Variants in AGRN observed in about 807,000 individuals in gnomAD.
AGRN encodes the protein agrin, also known as agrin proteoglycan.
Under a neutral mutation model 211.0 loss-of-function variants are expected in AGRN, and 106 were observed. That is an observed-to-expected ratio of 0.50 (90% CI 0.43 to 0.59). The LOEUF (loss-of-function observed/expected upper bound fraction) is 0.59. AGRN is among the 20% of genes least tolerant of loss of function. The pLI is 0.00. For synonymous variants in AGRN, 1,525 were observed against 1,332.5 expected, an observed-to-expected ratio of 1.14 and a Z score of -3.15; for missense variants, 3,040 against 2,982.6, an observed-to-expected ratio of 1.02 and a Z score of -0.45.
chr1:1,047,876 C>T lies in AGRN; in HGVS notation c.3732C>T (p.His1244=), dbSNP rs536657086. 55 of 1,605,734 alleles carry T rather than the reference C, an allele frequency of 3.4e-5. No homozygotes were observed. In the African/African-American group the frequency reaches 3.7e-4, roughly 11 times the overall value. Residue 1244 remains histidine, a synonymous_variant, in exon 22 of 36, where the codon CAC becomes CAT. Coordinates refer to ENST00000379370, the MANE Select transcript of AGRN (RefSeq NM_198576.4). Reference sequence around the variant, plus strand: ...GGGTGAGGCGGCCGCTGCAGGAGCACGTGCGATTTATGGACTTTGGTGAGC... The same window carrying T: ...GGGTGAGGCGGCCGCTGCAGGAGCATGTGCGATTTATGGACTTTGGTGAGC... ...SLGVRRPLQE[H]VRFMDFDWFP... is the part of the protein sequence containing the mutation.
chr1:1,023,703 A>G (rs1644459613), intron 2 of AGRN, among the ~76,000 whole-genome samples: 1 of 152,164 alleles, frequency 6.6e-6, no homozygotes, highest in Non-Finnish European at 1.5e-5. Flanking sequence ...TTAGTAGCTG[A>G]GGACTTGCTC....
At chr1:1,033,044 C>T (rs1342526950) in intron 2 of AGRN, among the ~76,000 whole-genome samples, 1 of 152,108 alleles carries the variant, frequency 6.6e-6, no homozygotes, top group African/African-American at 2.4e-5. Context: ...GGGCCCAGAC[C>T]CCCATTCCCC....
chr1:1,048,587 A>G lies in AGRN; in HGVS notation c.4105+222A>G, dbSNP rs989667112. On this transcript the variant is annotated intron_variant, in intron 23 of 35. Transcript: ENST00000379370. The surrounding 1 kb of genome is among the most constrained non-coding windows in gnomAD (Gnocchi z 5.9). ...GGAGTTCGAGACCAGCCTGACCAAC[A>G]TGGAGACACTCTGTCTCTACTAAAA... The G allele has an allele frequency of 2.5e-5, 15 of 588,782 alleles. No individual in the cohort carries two copies. The highest frequency in any genetic ancestry group is 3.8e-5 in the Non-Finnish European group (13 of 339,920). 36.5% of individuals were successfully genotyped at this position (588,782 alleles called of 1,614,324 possible). A position where few individuals can be genotyped will look rare whatever the true frequency, so the allele number is the denominator to read the frequency against.
At chr1:1,042,279 G>A (rs1442568822) in intron 7 of AGRN, 117 bp downstream of exon 7, 23 of 1,276,528 alleles carry the variant, frequency 1.8e-5, no homozygotes, top group South Asian at 2.9e-5. Context: ...GGAGTGGGCC[G>A]GTCCCTCTGG....
At chr1:1,034,087 C>T in intron 2 of AGRN, 2 of 978,968 alleles carry the variant, frequency 2.0e-6, no homozygotes, top group South Asian at 4.7e-5. Flanking sequence ...TCGCTCCCGA[C>T]GCGGCCGCCC....
chr1:1,045,272 G>A lies in AGRN; in HGVS notation c.2366G>A (p.Cys789Tyr), dbSNP rs760257579. Reference sequence around the variant, plus strand: ...GCCCGGGGCGTGGGCCTGGCTGGCTGCCCCAGTGAGTACCTGAGCTCAGCC... The same window carrying A: ...GCCCGGGGCGTGGGCCTGGCTGGCTACCCCAGTGAGTACCTGAGCTCAGCC... ...TAARGVGLAG[C>Y]PSACQCNPHG... Residue 789 changes from cysteine to tyrosine, a missense_variant, in exon 13 of 36, where the codon TGC (cysteine) becomes TAC (tyrosine). Coordinates refer to ENST00000379370, the MANE Select transcript of AGRN (RefSeq NM_198576.4). The A allele has an allele frequency of 3.1e-6, 5 of 1,611,682 alleles. No homozygotes were observed. The highest frequency in any genetic ancestry group is 1.3e-5 in the African/African-American group (1 of 75,044).
chr1:1,033,505 C>T (rs1644720870), intron 2 of AGRN, among the ~76,000 whole-genome samples: 1 of 151,720 alleles, frequency 6.6e-6, no homozygotes, highest in Non-Finnish European at 1.5e-5. Context: ...GCGACCTGCC[C>T]CGGCCGCACC....
intron 2 of AGRN, among the ~76,000 whole-genome samples, chr1:1,030,851 G>A (rs1442725537): frequency 1.7e-5 from 2 of 117,142 alleles, no homozygotes; most frequent in African/African-American, 3.6e-5. Flanking sequence ...AGATCAGCGT[G>A]TGTGTGTGTG....
At position 1,041,221 on chromosome 1, in the gene AGRN, G is replaced by C; in HGVS notation, c.776G>C (p.Cys259Ser). 6.8e-7 allele frequency: 1 copy of C among 1,480,448 alleles called. No homozygotes were observed. 91.7% of individuals were successfully genotyped at this position (1,480,448 alleles called of 1,614,324 possible). ...GTGACCTGCAGCTTCGGCAGCACCT[G>C]TGCGCGCTCGGCCGACGGGCTGACG... is the stretch of plus-strand genomic sequence containing the variant. ...SNVTCSFGST[C>S]ARSADGLTAS... Residue 259 changes from cysteine to serine, a missense_variant, in exon 5 of 36, where the codon TGT becomes TCT. Cys to Ser is a moderately radical substitution (Grantham distance 112). This residue lies in a region of AGRN where 1,498 missense variants were observed against 1,457.8 expected (regional missense o/e 1.03). Coordinates refer to ENST00000379370, the MANE Select transcript of AGRN (RefSeq NM_198576.4).
Position 1,047,616 on chromosome 1 carries a change from G to C in AGRN, c.3560G>C (p.Arg1187Pro), listed in dbSNP as rs772632690. The change falls in exon 21 of 36, where the codon CGG becomes CCG. Residue 1187 changes from arginine to proline, a missense_variant. Physicochemically the swap from Arg to Pro is moderately radical, Grantham distance 103. Transcript: ENST00000379370. ...AATTCAGACGTCAAGAAGGATTTTC[G>C]GAGTGTCCGCTTGCGGGACCTGGGG... ...FRNSDVKKDFRSVRLRDLGPG... is the reference protein window; with the variant it reads ...FRNSDVKKDFPSVRLRDLGPG... The C allele has an allele frequency of 6.2e-7, 1 of 1,613,030 alleles. No homozygotes were observed. Among genetic ancestry groups the C allele is most frequent in the Non-Finnish European group, 8.5e-7 (1 of 1,180,022 alleles).
Position 1,050,043 on chromosome 1 carries a change from G to T in AGRN, c.4879+6G>T. On this transcript the variant is annotated splice_donor_region_variant and intron_variant, in intron 27 of 35. Coordinates refer to ENST00000379370, the MANE Select transcript of AGRN (RefSeq NM_198576.4). ...GGGCACCTTCTGCCAGACAGGTCGG[G>T]GGCGTGGGGCTCTCGGGGCAGGGGG... is the stretch of plus-strand genomic sequence containing the variant. The T allele has an allele frequency of 6.4e-7, 1 of 1,562,722 alleles. No homozygotes were observed. Among genetic ancestry groups the T allele is most frequent in the South Asian group, 1.2e-5 (1 of 85,892 alleles).
rs1457536661 is a variant in AGRN at position 1,042,065 on chromosome 1, T to C, written c.1287T>C (p.Cys429=). ...VTCDGAYRPV[C]AQDGRTYDSD... ...GTGACGGGGCCTACAGGCCCGTGTG[T>C]GCCCAGGACGGGCGCACGTATGACA... The change falls in exon 7 of 36, where the codon TGT becomes TGC. Residue 429 remains cysteine, a synonymous_variant. Coordinates refer to ENST00000379370, the MANE Select transcript of AGRN (RefSeq NM_198576.4). 6.2e-7 allele frequency: 1 copy of C among 1,607,448 alleles called. No individual in the cohort carries two copies.
rs2710871 is a variant in AGRN, at chr1:1,053,552, G to C, written c.5652-201G>C. On this transcript the variant is annotated intron_variant, in intron 33 of 35. Transcript: ENST00000379370. ...GGCTGGCCCATCTGTCCTCCCGCCC[G>C]TCTCTCTGATCTCTCTCTGCCAGGC... 0.85 allele frequency: 1,293,855 copies of C among 1,524,770 alleles called. 556,877 individuals are homozygous for C. The highest frequency in any genetic ancestry group is 1 in the East Asian group (40,358 of 40,466). The allele number at this position is 1,524,770 out of a possible 1,614,324, so 94.5% of individuals were successfully genotyped here. A position where few individuals can be genotyped will look rare whatever the true frequency, so the allele number is the denominator to read the frequency against.
At position 1,049,612 on chromosome 1, in the gene AGRN, C is replaced by G. The variant is rs550316749; in HGVS notation, c.4561C>G (p.Arg1521Gly). ...GGGCGCCGGCCTGAGGGGGTGCATC[C>G]GTTTGCTGGACGTCAACAACCAGCG... ...FVGAGLRGCI[R>G]LLDVNNQRLE... The change falls in exon 26 of 36, where the codon CGT (arginine) becomes GGT (glycine). Residue 1521 changes from arginine (R) to glycine (G), a missense_variant. Around this residue, in one of 3 missense-constraint regions of AGRN, gnomAD observed 1,537 missense variants for 1,505.0 expected, o/e 1.02. Transcript: ENST00000379370. 6.3e-7 allele frequency: 1 copy of G among 1,591,654 alleles called. No individual in the cohort carries two copies. Among genetic ancestry groups the G allele is most frequent in the Non-Finnish European group, 8.5e-7 (1 of 1,170,198 alleles).
Position 1,044,697 on chromosome 1 carries a change from C to T in AGRN, c.2254+258C>T, listed in dbSNP as rs116106396. ...CAGCGTGAACCATGCGGGGCCCCAC[C>T]GTGTGGGCACTTTCTCTGCATACGT... On this transcript the variant is annotated intron_variant, in intron 12 of 35. Transcript: ENST00000379370. Among the ~76,000 whole-genome samples the T allele has an allele frequency of 0.022, 3,385 of 152,274 alleles. 84 individuals are homozygous for T. Among genetic ancestry groups the T allele is most frequent in the African/African-American group, 0.062 (2,593 of 41,524 alleles).
At chr1:1,040,564 C>G in intron 3 of AGRN, 101 bp from the exon 4 acceptor site, 2 of 1,375,118 alleles carry the variant, frequency 1.5e-6, no homozygotes, top group South Asian at 1.3e-5. Context: ...GGCGCGGGGG[C>G]GGGTGAATGC....
In AGRN at chr1:1,046,196, T is replaced by G. The variant is rs1645087459; in HGVS notation, c.2842T>G (p.Cys948Gly). The G allele has an allele frequency of 6.2e-7, 1 of 1,613,490 alleles. No individual in the cohort carries two copies. The highest frequency in any genetic ancestry group is 1.7e-5 in the Admixed American group (1 of 59,986). ...GSDGVTYGNE[C>G]QLKTIACRQG... Reference sequence around the variant, plus strand: ...AGATGGAGTCACATACGGCAACGAGTGTCAGCTGAAGACCATCGCCTGCCG... The same window carrying G: ...AGATGGAGTCACATACGGCAACGAGGGTCAGCTGAAGACCATCGCCTGCCG... Residue 948 changes from cysteine (C) to glycine (G), a missense_variant, in exon 17 of 36, where the codon TGT becomes GGT. By Grantham distance (159) the Cys-to-Gly change is radical. Coordinates refer to ENST00000379370, the MANE Select transcript of AGRN (RefSeq NM_198576.4).
chr1:1,050,759 C>T lies in AGRN; in HGVS notation c.5175C>T (p.Thr1725=), dbSNP rs1281530102. 3.1e-6 allele frequency: 5 copies of T among 1,603,900 alleles called. No homozygotes were observed. The highest frequency in any genetic ancestry group is 3.4e-6 in the Non-Finnish European group (4 of 1,177,824). ...AGCCAGTCACCCTGGGAGCCTGGAC[C>T]AGGGTCTCACTGGAGCGAAACGGCC... ...SREPVTLGAW[T]RVSLERNGRK... The change falls in exon 30 of 36, where the codon ACC becomes ACT. Residue 1725 remains threonine, a synonymous_variant. Transcript: ENST00000379370.
intron 7 of AGRN, 96 bp downstream of exon 7, chr1:1,042,258 T>C: frequency 2.1e-6 from 3 of 1,423,018 alleles, no homozygotes; most frequent in Non-Finnish European, 2.8e-6. Flanking sequence ...CATGTTCCTC[T>C]TGGGGTCCTG....
Sources: gnomAD v4.1 joint callset for allele counts (sites outside exome capture counted in the v4.1 genomes callset) on GRCh38, gnomAD v4.1.1 for gene constraint, gnomAD v4.1.1 regional missense constraint, Gnocchi (gnomAD v3.1) non-coding constraint, MANE v1.5 for transcripts, NCBI Gene and HGNC (gene_info 2026-07-23, HGNC 2026-07-21) for gene names.